LAP3: variants seen among roughly 807,000 people sequenced by gnomAD.
LAP3 encodes the protein cytosol aminopeptidase.
Under a neutral mutation model 58.8 loss-of-function variants are expected in LAP3, and 46 were observed. The observed-to-expected ratio is 0.78, with a 90% CI of 0.62 to 1.00. The LOEUF (loss-of-function observed/expected upper bound fraction) is 1.00, where lower values mean the gene tolerates loss of function less well. LAP3 is among the 50% of genes least tolerant of loss of function. The probability of loss-of-function intolerance (pLI) is 0.00; values close to 1 mark genes in which losing one functional copy is unlikely to be tolerated. For missense variants in LAP3, 615 were observed against 659.1 expected, an observed-to-expected ratio of 0.93 and a Z score of 0.73; for synonymous variants, 257 against 237.7, an observed-to-expected ratio of 1.08 and a Z score of -0.75.
intron 11 of LAP3, among the ~76,000 whole-genome samples, chr4:17,604,993 C>G (rs1714083562): frequency 6.6e-6 from 1 of 152,102 alleles, no homozygotes; most frequent in Non-Finnish European, 1.5e-5. Context: ...GCGTTTGTGA[C>G]TGCGTGTCGT....
Position 17,582,339 on chromosome 4 carries a change from G to A in LAP3, c.325G>A (p.Asp109Asn), listed in dbSNP as rs1412096693. 8.7e-6 allele frequency: 14 copies of A among 1,614,030 alleles called. No individual in the cohort carries two copies. The highest frequency in any genetic ancestry group is 3.3e-5 in the South Asian group (3 of 91,068). ...VGLGKKAAGI[D>N]EQENWHEGKE... ...CCTCGGCAAAAAGGCAGCTGGAATC[G>A]ACGAACAGGAAAACTGGCATGAAGG... is the stretch of plus-strand genomic sequence containing the variant. The change falls in exon 4 of 13, where the codon GAC becomes AAC. Residue 109 changes from aspartate (D) to asparagine (N), a missense_variant. By Grantham distance (23) the Asp-to-Asn change is conservative (BLOSUM62 1). Coordinates refer to ENST00000226299, the MANE Select transcript of LAP3 (RefSeq NM_015907.3).
At chr4:17,603,689 T>A in intron 10 of LAP3, among the ~76,000 whole-genome samples, 1 of 151,494 alleles carries the variant, frequency 6.6e-6, no homozygotes, top group Non-Finnish European at 1.5e-5. Context: ...TAATTTTGTA[T>A]TTTTAGTAGA....
At chr4:17,602,382 G>T (rs1271595673) in intron 10 of LAP3, among the ~76,000 whole-genome samples, 1 of 152,140 alleles carries the variant, frequency 6.6e-6, no homozygotes, top group East Asian at 1.9e-4. Flanking sequence ...GCACTAAGTG[G>T]CTGTACCTGA....
intron 1 of LAP3, 38 bp downstream of exon 1, chr4:17,577,605 G>T: frequency 6.7e-7 from 1 of 1,485,500 alleles, no homozygotes; most frequent in East Asian, 2.7e-5. Context: ...CGCCGCTGGG[G>T]CCCTGCCCGT....
At chr4:17,601,640 T>C (rs554955604) in intron 10 of LAP3, among the ~76,000 whole-genome samples, 1 of 152,318 alleles carries the variant, frequency 6.6e-6, no homozygotes, top group East Asian at 1.9e-4. Flanking sequence ...GATGCTCACA[T>C]CCCTTATGTA....
chr4:17,605,105 G>GTCACCC (rs1714086661), intron 11 of LAP3, among the ~76,000 whole-genome samples: 1 of 140,782 alleles, frequency 7.1e-6, no homozygotes, highest in African/African-American at 2.7e-5. Context: ...CTTCCCAGCA[G>GTCACCC]TCACCCTCAC....
At chr4:17,605,117 TCCAC>T (rs1321236335) in intron 11 of LAP3, among the ~76,000 whole-genome samples, 5 of 88,622 alleles carry the variant, frequency 5.6e-5, no homozygotes, top group African/African-American at 1.1e-4. Flanking sequence ...CACCCTCACT[TCCAC>T]ACACACACAC....
rs1491474797 is a variant in LAP3 at position 17,587,430 on chromosome 4, T to TTG, written c.705-1388_705-1387insGT. 10 of 12,750 alleles carry TTG rather than the reference T, an allele frequency of 7.8e-4. No individual in the cohort carries two copies. The African/African-American group carries it at 8.0e-3, about 10-fold the overall frequency. The allele number at this position is 12,750 out of a possible 1,614,324, so 0.8% of individuals were successfully genotyped here. On this transcript the variant is annotated intron_variant, in intron 6 of 12. Transcript: ENST00000226299. ...ACATTGCACAGCCTTGTTGTTGTTG[T>TTG]TTTTTTTTTTTTTTTGAAGTGATTT...
chr4:17,578,067 C>T (rs1713258370), intron 1 of LAP3, among the ~76,000 whole-genome samples: 1 of 152,184 alleles, frequency 6.6e-6, no homozygotes, highest in Non-Finnish European at 1.5e-5. Context: ...GAGAGACCCA[C>T]GTTTCCCAGA....
rs968338583 is a variant in LAP3, at chr4:17,604,631, T to C, written c.1224T>C (p.Phe408=). Residue 408 remains phenylalanine, a synonymous_variant, in exon 11 of 13, where the codon TTT becomes TTC. Coordinates refer to ENST00000226299, the MANE Select transcript of LAP3 (RefSeq NM_015907.3). ...TGGGATCAGGTGCCACTGGGGTCTTTACCAATTCATCCTGGCTCTGGAACA... is the reference window on the plus strand; with the variant it reads ...TGGGATCAGGTGCCACTGGGGTCTTCACCAATTCATCCTGGCTCTGGAACA... ...VALGSGATGV[F]TNSSWLWNKL... 6.8e-6 allele frequency: 11 copies of C among 1,613,878 alleles called. No homozygotes were observed. In the Admixed American group the frequency reaches 1.8e-4, roughly 27 times the overall value.
At chr4:17,605,700 T>C (rs10008598) in intron 11 of LAP3, among the ~76,000 whole-genome samples, 96,013 of 151,990 alleles carry the variant, frequency 0.63, 30,774 homozygotes, top group East Asian at 0.89. Flanking sequence ...CCCATCATCT[T>C]CTTCCAGGCC....
chr4:17,606,930 A>G lies in LAP3; in HGVS notation c.1362A>G (p.Gly454=). 6.3e-7 allele frequency: 1 copy of G among 1,598,538 alleles called. No homozygotes were observed. Among genetic ancestry groups the G allele is most frequent in the Non-Finnish European group, 8.6e-7 (1 of 1,166,806 alleles). The part of the protein sequence containing the change: ...DCQLADVNNI[G]KYRSAGACTA... ...AGCTTGCTGATGTTAACAACATTGG[A>G]AAATACAGGTATGTAAGCTAAGCTA... is the stretch of plus-strand genomic sequence containing the variant. The change falls in exon 12 of 13, where the codon GGA becomes GGG. Residue 454 remains glycine, a synonymous_variant. Transcript: ENST00000226299.
intron 1 of LAP3, 27 bp from the exon 2 acceptor site, chr4:17,579,797 A>C (rs767434190): frequency 3.1e-6 from 4 of 1,306,260 alleles, no homozygotes; most frequent in South Asian, 2.4e-5. Flanking sequence ...TAATTCTATT[A>C]TATTTACGTT....
chr4:17,583,855 C>T (rs537046755), intron 5 of LAP3, among the ~76,000 whole-genome samples: 3 of 152,340 alleles, frequency 2.0e-5, no homozygotes, highest in South Asian at 2.1e-4. Context: ...CCATGACTCC[C>T]TGACCCCTCC....
At chr4:17,578,593 C>T (rs185907569) in intron 1 of LAP3, among the ~76,000 whole-genome samples, 20 of 152,320 alleles carry the variant, frequency 1.3e-4, no homozygotes, top group South Asian at 6.2e-4. Flanking sequence ...GTTTCCTTAT[C>T]GGTCAAGGGG....
chr4:17,595,591 G>A, intron 8 of LAP3, 57 bp downstream of exon 8: 2 of 1,562,470 alleles, frequency 1.3e-6, no homozygotes, highest in Non-Finnish European at 1.8e-6. Flanking sequence ...CCAGGTGGGA[G>A]AAGAGAGACA....
intron 11 of LAP3, among the ~76,000 whole-genome samples, chr4:17,604,985 G>A (rs537758187): frequency 4.6e-5 from 7 of 152,102 alleles, no homozygotes; most frequent in African/African-American, 1.2e-4. Flanking sequence ...GTGGAGCAGC[G>A]TTTGTGACTG....
At chr4:17,581,527 A>G (rs1713361425) in intron 2 of LAP3, among the ~76,000 whole-genome samples, 1 of 151,948 alleles carries the variant, frequency 6.6e-6, no homozygotes, top group African/African-American at 2.4e-5. Flanking sequence ...TTGCTTGAGC[A>G]TAGGAGTTTG....
chr4:17,587,298 C>T (rs1713544639), intron 6 of LAP3, among the ~76,000 whole-genome samples: 1 of 152,188 alleles, frequency 6.6e-6, no homozygotes, highest in Admixed American at 6.5e-5. Context: ...CCGCGCTAAG[C>T]ACTCTCCATT....
Sources: allele counts gnomAD v4.1 joint callset (sites outside exome capture counted in the v4.1 genomes callset), GRCh38; gene constraint gnomAD v4.1.1; transcripts MANE v1.5; gene names NCBI Gene and HGNC (gene_info 2026-07-23, HGNC 2026-07-21).